EFR3A: variants seen among roughly 807,000 people sequenced by gnomAD.
EFR3A encodes the protein protein EFR3 homolog A.
EFR3A carries 76 observed loss-of-function variants against 104.4 expected under a neutral mutation model. That is an observed-to-expected ratio of 0.73 (90% confidence interval 0.60 to 0.88). The LOEUF is 0.88. Ranked by LOEUF, EFR3A falls within the 40% of genes least tolerant of loss-of-function variation. The pLI, the probability that EFR3A is intolerant of heterozygous loss-of-function variation, is 0.00. For missense variants in EFR3A, 985 were observed against 1,012.5 expected, an observed-to-expected ratio of 0.97 and a Z score of 0.37; for synonymous variants, 330 against 330.0, an observed-to-expected ratio of 1.00 and a Z score of 0.00.
At chr8:131,922,722 C>G (rs1004548081) in intron 1 of EFR3A, among the ~76,000 whole-genome samples, 7 of 152,172 alleles carry the variant, frequency 4.6e-5, no homozygotes, top group South Asian at 2.1e-4. Flanking sequence ...AACTCTCCCA[C>G]TTTCCTGCAT....
At position 131,979,413 on chromosome 8, in the gene EFR3A, A is replaced by G. The variant is rs201142012; in HGVS notation, c.1567A>G (p.Met523Val). ...AATTTGCAGACAAGACACAAGTTTC[A>G]TGAAAAAGGTAAGACATCTTCTAAA... ...EKICRQDTSFMKKNGQQLYRH... is the reference protein window; with the variant it reads ...EKICRQDTSFVKKNGQQLYRH... Residue 523 changes from methionine to valine, a missense_variant, in exon 14 of 23, where the codon ATG becomes GTG. Transcript: ENST00000254624. The G allele has an allele frequency of 1.9e-6, 3 of 1,555,138 alleles. No individual in the cohort carries two copies. Among genetic ancestry groups the G allele is most frequent in the Admixed American group, 1.9e-5 (1 of 52,456 alleles).
chr8:131,958,562 A>G (rs1819142961), intron 7 of EFR3A, among the ~76,000 whole-genome samples: 1 of 149,312 alleles, frequency 6.7e-6, no homozygotes, highest in South Asian at 2.1e-4. Context: ...CTTAATAACT[A>G]CGATGATTCA....
chr8:131,930,019 A>G (rs768724085), intron 1 of EFR3A, among the ~76,000 whole-genome samples: 1 of 152,150 alleles, frequency 6.6e-6, no homozygotes, highest in Non-Finnish European at 1.5e-5. Context: ...GCCTTTTGCA[A>G]GGAAGGCACA....
intron 18 of EFR3A, among the ~76,000 whole-genome samples, chr8:131,989,929 C>T (rs1344387435): frequency 1.3e-5 from 2 of 152,156 alleles, no homozygotes; most frequent in Non-Finnish European, 2.9e-5. Flanking sequence ...TCTTATCAAC[C>T]TAGAATTCGA....
At chr8:131,911,745 C>G (rs1255815854) in intron 1 of EFR3A, among the ~76,000 whole-genome samples, 1 of 152,062 alleles carries the variant, frequency 6.6e-6, no homozygotes, top group Non-Finnish European at 1.5e-5. Flanking sequence ...AAATATTGGC[C>G]AAAATACGAA....
At chr8:131,938,406 G>A (rs1586568540) in intron 1 of EFR3A, 2 of 390,638 alleles carry the variant, frequency 5.1e-6, no homozygotes, top group Non-Finnish European at 9.0e-6. Flanking sequence ...TTTCTTTTGT[G>A]ATTATTATTG....
At chr8:131,971,588 TGAGGCAGGAGCATGGCGTGAACCCGG>T (rs913911164) in intron 10 of EFR3A, among the ~76,000 whole-genome samples, 2 of 151,036 alleles carry the variant, frequency 1.3e-5, no homozygotes, top group Non-Finnish European at 2.9e-5. Flanking sequence ...CGCGGGAGGC[TGAGGCAGGAGCATGGCGTGAACCCGG>T]GAGGCAGAGC....
At chr8:131,964,197 A>G (rs1204510691) in intron 8 of EFR3A, among the ~76,000 whole-genome samples, 1 of 151,362 alleles carries the variant, frequency 6.6e-6, no homozygotes, top group Non-Finnish European at 1.5e-5. Flanking sequence ...CTCGTATTCA[A>G]CATAGTGTTG....
In EFR3A at chr8:131,997,834, T is replaced by G. The variant is rs953045253; in HGVS notation, c.2157+1337T>G. Among the ~76,000 whole-genome samples, 4 of 152,188 alleles carry G rather than the reference T, an allele frequency of 2.6e-5. No homozygotes were observed. In the South Asian group the frequency reaches 6.2e-4, roughly 24 times the overall value. ...TTCTCCTTTTGTTAACTATTCTTAC[T>G]TCTTTCAAAAATATATAGAGAACAC... On this transcript the variant is annotated intron_variant, in intron 19 of 22. Transcript: ENST00000254624.
intron 1 of EFR3A, among the ~76,000 whole-genome samples, chr8:131,915,471 G>A (rs78073218): frequency 0.017 from 2,609 of 152,276 alleles, 71 homozygotes; most frequent in African/African-American, 0.06. Context: ...CATTTGTAAA[G>A]CACTGCTGGC....
At chr8:131,937,567 T>C (rs1347225886) in intron 1 of EFR3A, among the ~76,000 whole-genome samples, 1 of 152,134 alleles carries the variant, frequency 6.6e-6, no homozygotes, top group Non-Finnish European at 1.5e-5. Context: ...AGGAGGAGAA[T>C]AGTGGATAGT....
At chr8:131,915,658 T>C (rs894941236) in intron 1 of EFR3A, among the ~76,000 whole-genome samples, 2 of 151,626 alleles carry the variant, frequency 1.3e-5, no homozygotes, top group Admixed American at 6.6e-5. Flanking sequence ...GGAAGATGAG[T>C]GGAGGACAGC....
chr8:131,941,478 C>G (rs1818168659), intron 2 of EFR3A, among the ~76,000 whole-genome samples: 1 of 151,970 alleles, frequency 6.6e-6, no homozygotes, highest in African/African-American at 2.4e-5. Flanking sequence ...TTTAAACATT[C>G]AGTTATGTAG....
At chr8:131,980,722 T>C (rs1424246307) in intron 14 of EFR3A, among the ~76,000 whole-genome samples, 1 of 152,098 alleles carries the variant, frequency 6.6e-6, no homozygotes, top group East Asian at 1.9e-4. Flanking sequence ...TATTATTGAC[T>C]ATAGTCACCC....
chr8:132,011,309 G>T lies in EFR3A; in HGVS notation c.*414G>T, dbSNP rs1305226191. The T allele has an allele frequency of 5.1e-6, 5 of 988,058 alleles. No homozygotes were observed. In the Admixed American group the frequency reaches 2.4e-4, roughly 47 times the overall value. The allele number at this position is 988,058 out of a possible 1,614,324, so 61.2% of individuals were successfully genotyped here. A position where few individuals can be genotyped will look rare whatever the true frequency, so the allele number is the denominator to read the frequency against. ...TGTAGAATTTTTGTTGTTGTTTTCT[G>T]CAAAGGCAGATACATTTAAATATAT... On this transcript the variant is annotated 3_prime_UTR_variant, in exon 23 of 23. Coordinates refer to ENST00000254624, the MANE Select transcript of EFR3A (RefSeq NM_015137.6).
intron 4 of EFR3A, 114 bp from the exon 5 acceptor site, chr8:131,949,855 T>G: frequency 1.0e-6 from 1 of 984,698 alleles, no homozygotes; most frequent in Non-Finnish European, 1.5e-6. Flanking sequence ...ATTTGATGTT[T>G]TGTTTGTTAC....
In EFR3A at chr8:131,976,085, G is replaced by C. The variant is rs1820311403; in HGVS notation, c.1218G>C (p.Met406Ile). ...GGTCAGAAATCATGATGTTCATTAT[G>C]GGGAAAGTACCTGTCTTTGGAACAT... ...YQRSEIMMFIMGKVPVFGTST... is the reference protein window; with the variant it reads ...YQRSEIMMFIIGKVPVFGTST... Residue 406 changes from methionine (M) to isoleucine (I), a missense_variant, in exon 11 of 23, where the codon ATG (methionine) becomes ATC (isoleucine). Transcript: ENST00000254624. The C allele has an allele frequency of 1.9e-6, 3 of 1,607,212 alleles. No homozygotes were observed. The highest frequency in any genetic ancestry group is 1.7e-5 in the Admixed American group (1 of 59,444).
At chr8:132,010,745 G>C (rs1822301640) in intron 22 of EFR3A, 45 bp from the exon 23 acceptor site, 1 of 1,598,804 alleles carries the variant, frequency 6.3e-7, no homozygotes, top group South Asian at 1.1e-5. Context: ...GAAATGAACA[G>C]CTTGTAAGTA....
In EFR3A at chr8:131,955,767, G is replaced by GTCGCATA. The variant is rs772910478; in HGVS notation, c.639_645dup (p.Gly216SerfsTer12). ...TTTCTTTATTTCTCGTTCCTTTTTA[G>GTCGCATA]TCGCATAGGCCCTCCTTCTTCTCCT... On this transcript the variant is annotated frameshift_variant and splice_region_variant. Coordinates refer to ENST00000254624, the MANE Select transcript of EFR3A (RefSeq NM_015137.6). LOFTEE classifies it high-confidence loss of function. 30 of 1,601,474 alleles carry GTCGCATA rather than the reference G, an allele frequency of 1.9e-5. No individual in the cohort carries two copies. The highest frequency in any genetic ancestry group is 2.7e-5 in the African/African-American group (2 of 74,182).
Sources: gnomAD v4.1 joint callset for allele counts (sites outside exome capture counted in the v4.1 genomes callset) on GRCh38, gnomAD v4.1.1 for gene constraint, MANE v1.5 for transcripts, NCBI Gene and HGNC (gene_info 2026-07-23, HGNC 2026-07-21) for gene names.